Variants in GALM observed in about 807,000 individuals in gnomAD.
GALM encodes the protein galactose mutarotase, also known as aldose 1-epimerase.
Under a neutral mutation model 37.4 loss-of-function variants are expected in GALM, and 43 were observed. That is an observed-to-expected ratio of 1.15 (90% CI 0.90 to 1.48). The LOEUF (loss-of-function observed/expected upper bound fraction) is 1.48. Ranked by LOEUF, GALM falls within the 40% of genes most tolerant of loss-of-function variation. The probability of loss-of-function intolerance (pLI) is 0.00; values close to 1 mark genes in which losing one functional copy is unlikely to be tolerated. For synonymous variants in GALM, 199 were observed against 170.6 expected (o/e 1.17, Z -1.30); for missense variants, 456 against 419.1 (o/e 1.09, Z -0.77).
At chr2:38,698,984 G>T (rs750877858) in intron 4 of GALM, among the ~76,000 whole-genome samples, 1 of 152,014 alleles carries the variant, frequency 6.6e-6, no homozygotes, top group Non-Finnish European at 1.5e-5. Flanking sequence ...CACATCCTCG[G>T]CTCACTGCAA....
chr2:38,682,414 A>G (rs1665419679), intron 3 of GALM: 1 of 261,778 alleles, frequency 3.8e-6, no homozygotes, highest in Admixed American at 3.4e-5. Context: ...ACAGTCAGCT[A>G]GTAATATCTC....
At chr2:38,679,855 G>A (rs907762624) in intron 2 of GALM, among the ~76,000 whole-genome samples, 1 of 152,180 alleles carries the variant, frequency 6.6e-6, no homozygotes, top group Non-Finnish European at 1.5e-5. Flanking sequence ...TGTCTGTGAA[G>A]TTTGTAGCAA....
At chr2:38,683,759 G>A (rs1572517016) in intron 3 of GALM, among the ~76,000 whole-genome samples, 1 of 152,126 alleles carries the variant, frequency 6.6e-6, no homozygotes, top group African/African-American at 2.4e-5. Context: ...TAGAGATGGG[G>A]TTTCACCATG....
At chr2:38,683,488 G>C (rs1424332837) in intron 3 of GALM, among the ~76,000 whole-genome samples, 2 of 152,036 alleles carry the variant, frequency 1.3e-5, no homozygotes, top group African/African-American at 2.4e-5. Flanking sequence ...TCGAAATCTG[G>C]AATGCTCCAG....
chr2:38,703,846 C>T (rs1287722811), intron 4 of GALM, among the ~76,000 whole-genome samples: 3 of 151,870 alleles, frequency 2.0e-5, no homozygotes, highest in Non-Finnish European at 4.4e-5. Context: ...AACCCCCTCT[C>T]TGTGAAAATA....
intron 2 of GALM, 46 bp from the exon 3 acceptor site, chr2:38,681,234 C>T (rs748420909): frequency 1.4e-6 from 2 of 1,400,696 alleles, no homozygotes; most frequent in Admixed American, 1.7e-5. Flanking sequence ...TGGCATTTAG[C>T]TTGAGGATGG....
In GALM at chr2:38,681,332, G is replaced by T. The variant is rs760392222; in HGVS notation, c.398G>T (p.Ser133Ile). 17 of 1,613,902 alleles carry T rather than the reference G, an allele frequency of 1.1e-5. No individual in the cohort carries two copies. In the Admixed American group the frequency reaches 1.2e-4, roughly 11 times the overall value. The change falls in exon 3 of 7, where the codon AGT becomes ATT. Residue 133 changes from serine (S) to isoleucine (I), a missense_variant. By Grantham distance (142) the Ser-to-Ile change is moderately radical. Transcript: ENST00000272252. ...AATGGCGTCCAGTTCTCGCGCATCA[G>T]TCCAGATGGTGAAGAAGGCTACCCC... ...LSNGVQFSRI[S>I]PDGEEGYPGE...
At chr2:38,692,782 G>A (rs1330644949) in intron 4 of GALM, among the ~76,000 whole-genome samples, 1 of 152,142 alleles carries the variant, frequency 6.6e-6, no homozygotes, top group Non-Finnish European at 1.5e-5. Context: ...TCCAGATAGA[G>A]GAAATGAGAG....
At chr2:38,718,638 A>T (rs536156064) in intron 4 of GALM, among the ~76,000 whole-genome samples, 1 of 151,990 alleles carries the variant, frequency 6.6e-6, no homozygotes, top group African/African-American at 2.4e-5. Flanking sequence ...AATTGTTATT[A>T]TAAACAGGAT....
chr2:38,678,455 T>C (rs1224768863), intron 2 of GALM, among the ~76,000 whole-genome samples: 1 of 152,206 alleles, frequency 6.6e-6, no homozygotes, highest in Non-Finnish European at 1.5e-5. Context: ...ACCAATCATA[T>C]TGGTTTACAC....
chr2:38,671,093 G>A (rs34533539), intron 1 of GALM, among the ~76,000 whole-genome samples: 23,591 of 152,120 alleles, frequency 0.16, 1,913 homozygotes, highest in South Asian at 0.24. Flanking sequence ...AGGGGGAAGC[G>A]TTTCCTCTAC....
intron 4 of GALM, among the ~76,000 whole-genome samples, chr2:38,726,746 A>G (rs1666494288): frequency 6.6e-6 from 1 of 151,514 alleles, no homozygotes; most frequent in Non-Finnish European, 1.5e-5. Flanking sequence ...AAATACAACA[A>G]TTAGCTGGGT....
chr2:38,675,537 TTTTTTTTGTG>T (rs1262106211), intron 1 of GALM, among the ~76,000 whole-genome samples: 7 of 90,066 alleles, frequency 7.8e-5, no homozygotes, highest in African/African-American at 3.1e-4. Flanking sequence ...TTTTTTTTTT[TTTTTTTTGTG>T]TGTGTGTGTG....
At chr2:38,696,021 C>G (rs1398348101) in intron 4 of GALM, among the ~76,000 whole-genome samples, 4 of 151,200 alleles carry the variant, frequency 2.6e-5, no homozygotes, top group African/African-American at 4.9e-5. Context: ...TTTTAAATCT[C>G]TCTTCTTAGG....
intron 4 of GALM, among the ~76,000 whole-genome samples, chr2:38,696,372 G>T (rs1283243847): frequency 6.6e-6 from 1 of 151,856 alleles, no homozygotes; most frequent in Non-Finnish European, 1.5e-5. Flanking sequence ...ACCTGCCTTA[G>T]CCTCCCAAAG....
chr2:38,703,971 G>A (rs1009807635), intron 4 of GALM, among the ~76,000 whole-genome samples: 18 of 151,890 alleles, frequency 1.2e-4, no homozygotes, highest in Non-Finnish European at 2.4e-4. Context: ...AGCCAAGATC[G>A]TGCCACTGTG....
At chr2:38,705,272 G>A (rs1572531493) in intron 4 of GALM, among the ~76,000 whole-genome samples, 1 of 152,176 alleles carries the variant, frequency 6.6e-6, no homozygotes, top group African/African-American at 2.4e-5. Context: ...TAGTGGGACT[G>A]TGGGCCTTGG....
In GALM at chr2:38,671,591, TG is replaced by T. The variant is rs575791807; in HGVS notation, c.191-4318del. ...ATTACAATTCGAGATGAGATTTGGG[TG>T]GGAGCACAAAGCCAAAGCGTATCAG... On this transcript the variant is annotated intron_variant, in intron 1 of 6. Coordinates refer to ENST00000272252, the MANE Select transcript of GALM (RefSeq NM_138801.3). Among the ~76,000 whole-genome samples the T allele has an allele frequency of 2.8e-4, 42 of 152,258 alleles. 1 individual carries two copies. In the Middle Eastern group the frequency reaches 0.01, roughly 37 times the overall value.
At position 38,676,144 on chromosome 2, in the gene GALM, G is replaced by A. The variant is rs1051992386; in HGVS notation, c.345+78G>A. 3 of 1,432,926 alleles carry A rather than the reference G, an allele frequency of 2.1e-6. No homozygotes were observed. In the African/African-American group the frequency reaches 4.2e-5, roughly 20 times the overall value. The allele number at this position is 1,432,926 out of a possible 1,614,324, so 88.8% of individuals were successfully genotyped here. ...TTCTGCTTGCCAGGCACAGTCATAG[G>A]CCCTAGAGCACATGAGTGGTGAGAT... is the stretch of plus-strand genomic sequence containing the variant. On this transcript the variant is annotated intron_variant, in intron 2 of 6. Coordinates refer to ENST00000272252, the MANE Select transcript of GALM (RefSeq NM_138801.3).
Sources: gnomAD v4.1 joint callset for allele counts (sites outside exome capture counted in the v4.1 genomes callset) on GRCh38, gnomAD v4.1.1 for gene constraint, MANE v1.5 for transcripts, NCBI Gene and HGNC (gene_info 2026-07-23, HGNC 2026-07-21) for gene names.